The following CDH18 variants were observed in gnomAD, a reference collection of about 807,000 sequenced individuals.
CDH18 encodes the protein cadherin-18.
CDH18 carries 31 observed loss-of-function variants against 67.9 expected under a neutral mutation model. The ratio of observed to expected loss-of-function variants is 0.46; its 90% confidence interval spans 0.34 to 0.62. The LOEUF (loss-of-function observed/expected upper bound fraction) is 0.62. Ranked by LOEUF, CDH18 falls within the 20% of genes least tolerant of loss-of-function variation. The pLI, the probability that CDH18 is intolerant of heterozygous loss-of-function variation, is 0.01. For synonymous variants in CDH18, 362 were observed against 347.2 expected (o/e 1.04, Z -0.48); for missense variants, 890 against 975.5 (o/e 0.91, Z 1.17).
intron 3 of CDH18, among the ~76,000 whole-genome samples, chr5:19,806,803 G>A (rs1412424820): frequency 6.6e-6 from 1 of 152,110 alleles, no homozygotes; most frequent in Admixed American, 6.5e-5. Context: ...GAAACCAGTT[G>A]CTCACAGAGA....
intron 2 of CDH18, among the ~76,000 whole-genome samples, chr5:20,190,478 C>T (rs1270158448): frequency 6.6e-6 from 1 of 152,050 alleles, no homozygotes; most frequent in African/African-American, 2.4e-5. Context: ...AACCTTCATT[C>T]CAGCTTCCCC....
At chr5:19,661,679 C>A (rs931726848) in intron 5 of CDH18, among the ~76,000 whole-genome samples, 5 of 151,834 alleles carry the variant, frequency 3.3e-5, no homozygotes, top group Non-Finnish European at 4.4e-5. Context: ...AAAAGTGGAA[C>A]AAGGTTTTGA....
At position 19,904,383 on chromosome 5, in the gene CDH18, G is replaced by T. The variant is rs1478352786; in HGVS notation, c.-256-65141C>A. Among the ~76,000 whole-genome samples the T allele has an allele frequency of 1.5e-3, 215 of 141,800 alleles. 1 individual carries two copies. Among genetic ancestry groups the T allele is most frequent in the African/African-American group, 5.3e-3 (207 of 39,048 alleles). The allele number at this position is 141,800 out of a possible 152,430, so 93.0% of individuals were successfully genotyped here. On this transcript the variant is annotated intron_variant, in intron 2 of 12. Coordinates refer to ENST00000382275, the MANE Select transcript of CDH18 (RefSeq NM_004934.5). ...AAGGGAAGGGGTGGAGAGGGGAGGG[G>T]GAGGGGAGGGAAGAGAAGGGAAGGG...
chr5:20,520,457 A>G (rs554293513), intron 1 of CDH18, among the ~76,000 whole-genome samples: 2 of 152,160 alleles, frequency 1.3e-5, no homozygotes, highest in East Asian at 1.9e-4. Context: ...AGTTTGTACC[A>G]CACACTTAAG....
intron 2 of CDH18, among the ~76,000 whole-genome samples, chr5:20,020,194 C>A (rs1206739562): frequency 6.6e-6 from 1 of 152,044 alleles, no homozygotes; most frequent in African/African-American, 2.4e-5. Flanking sequence ...TATTTGTGAA[C>A]AAGATATAAT....
chr5:19,931,645 G>C (rs1793708348), intron 2 of CDH18, among the ~76,000 whole-genome samples: 1 of 151,672 alleles, frequency 6.6e-6, no homozygotes, highest in African/African-American at 2.4e-5. Flanking sequence ...TTTGTTTATT[G>C]GGCAAATGCA....
chr5:19,835,884 A>G (rs1037135784), intron 3 of CDH18, among the ~76,000 whole-genome samples: 1 of 152,132 alleles, frequency 6.6e-6, no homozygotes. Context: ...AGTTTCACAG[A>G]ACCGCCACAA....
intron 2 of CDH18, among the ~76,000 whole-genome samples, chr5:19,974,002 A>T (rs888665961): frequency 2.6e-5 from 4 of 152,180 alleles, no homozygotes; most frequent in Non-Finnish European, 5.9e-5. Flanking sequence ...ATGCAAGCCA[A>T]ATGAAATAAA....
Position 19,535,449 on chromosome 5 carries a change from A to C in CDH18, c.1390+8420T>G, listed in dbSNP as rs1288057745. 2.0e-5 allele frequency among the ~76,000 whole-genome samples: 3 copies of C among 152,166 alleles called. No individual in the cohort carries two copies. The East Asian group carries it at 5.8e-4, about 29-fold the overall frequency. ...TAATAAAATAATGTTTATAAGCTAC[A>C]GGGACTTAAAAATACTCACTCCGAG... On this transcript the variant is annotated intron_variant, in intron 9 of 12. Transcript: ENST00000382275.
chr5:19,620,544 AGAG>A (rs1750536259), intron 5 of CDH18, among the ~76,000 whole-genome samples: 1 of 152,156 alleles, frequency 6.6e-6, no homozygotes. Flanking sequence ...AGAGAAATAA[AGAG>A]GAGGAGAATA....
At chr5:19,694,070 G>A (rs1762239409) in intron 5 of CDH18, among the ~76,000 whole-genome samples, 3 of 151,948 alleles carry the variant, frequency 2.0e-5, no homozygotes, top group South Asian at 4.1e-4. Flanking sequence ...GTGTGTGCAC[G>A]TATATACACA....
At chr5:19,995,765 C>T (rs1281589614) in intron 2 of CDH18, among the ~76,000 whole-genome samples, 1 of 152,016 alleles carries the variant, frequency 6.6e-6, no homozygotes, top group Non-Finnish European at 1.5e-5. Flanking sequence ...TCCCTTATAG[C>T]AGAAAGAGGC....
chr5:19,931,507 T>G (rs1282237535), intron 2 of CDH18, among the ~76,000 whole-genome samples: 2 of 151,878 alleles, frequency 1.3e-5, no homozygotes, highest in African/African-American at 4.8e-5. Context: ...CTAATAAAAA[T>G]TTTTCTGCTA....
intron 3 of CDH18, among the ~76,000 whole-genome samples, chr5:19,809,398 T>C (rs1361177058): frequency 6.6e-6 from 1 of 152,122 alleles, no homozygotes; most frequent in Non-Finnish European, 1.5e-5. Flanking sequence ...AATGGAGCTG[T>C]CTGAAGAAAG....
At chr5:20,312,772 A>T (rs1737108833) in intron 1 of CDH18, among the ~76,000 whole-genome samples, 1 of 152,092 alleles carries the variant, frequency 6.6e-6, no homozygotes, top group Non-Finnish European at 1.5e-5. Flanking sequence ...CCCTTAGAAA[A>T]TCTATTACTA....
At chr5:19,924,009 A>G (rs1487223633) in intron 2 of CDH18, among the ~76,000 whole-genome samples, 1 of 152,186 alleles carries the variant, frequency 6.6e-6, no homozygotes, top group East Asian at 1.9e-4. Flanking sequence ...CAGTGAAACT[A>G]TGAGACCGGT....
chr5:20,011,260 G>A (rs934266756), intron 2 of CDH18, among the ~76,000 whole-genome samples: 1 of 152,124 alleles, frequency 6.6e-6, no homozygotes, highest in Non-Finnish European at 1.5e-5. Context: ...CGTTTTGACT[G>A]TCACTGGTGT....
At chr5:20,098,542 T>A (rs1746183129) in intron 2 of CDH18, among the ~76,000 whole-genome samples, 1 of 152,080 alleles carries the variant, frequency 6.6e-6, no homozygotes, top group Non-Finnish European at 1.5e-5. Flanking sequence ...GTATTCAACT[T>A]TTTTAGATTT....
At chr5:19,558,594 G>GA (rs956081639) in intron 8 of CDH18, among the ~76,000 whole-genome samples, 2 of 150,792 alleles carry the variant, frequency 1.3e-5, no homozygotes, top group Non-Finnish European at 3.0e-5. Flanking sequence ...ATTAAACAAG[G>GA]AAAAAAATAT....
Sources: allele counts gnomAD v4.1 joint callset (sites outside exome capture counted in the v4.1 genomes callset), GRCh38; gene constraint gnomAD v4.1.1; transcripts MANE v1.5; gene names NCBI Gene and HGNC (gene_info 2026-07-23, HGNC 2026-07-21).